The following AFAP1 variants were observed in gnomAD, a reference collection of about 807,000 sequenced individuals.
AFAP1 encodes the protein actin filament associated protein 1.
In AFAP1, 75 loss-of-function variants were observed where a neutral mutation model predicts 93.9. That is an observed-to-expected ratio of 0.80 (90% CI 0.66 to 0.97). The LOEUF (loss-of-function observed/expected upper bound fraction) is 0.97, where lower values mean the gene tolerates loss of function less well. Ranked by LOEUF, AFAP1 falls within the 50% of genes least tolerant of loss-of-function variation. AFAP1 has a pLI of 0.00. For missense variants in AFAP1, 1,201 were observed against 1,050.8 expected, an observed-to-expected ratio of 1.14 and a Z score of -1.98; for synonymous variants, 517 against 430.7, an observed-to-expected ratio of 1.20 and a Z score of -2.48.
chr4:7,895,402 T>TAA (rs35378109), intron 1 of AFAP1, among the ~76,000 whole-genome samples: 1 of 152,070 alleles, frequency 6.6e-6, no homozygotes, highest in Non-Finnish European at 1.5e-5. Context: ...AAGATTTTTT[T>TAA]AAAAAAAGCT....
Position 7,786,255 on chromosome 4 carries a change from C to A in AFAP1, c.1469G>T (p.Gly490Val). 1 of 1,614,130 alleles carries A rather than the reference C, an allele frequency of 6.2e-7. No individual in the cohort carries two copies. Among genetic ancestry groups the A allele is most frequent in the Non-Finnish European group, 8.5e-7 (1 of 1,180,020 alleles). Residue 490 changes from glycine (G) to valine (V), a missense_variant, in exon 12 of 18, where the codon GGC becomes GTC. Coordinates refer to ENST00000420658, the MANE Select transcript of AFAP1 (RefSeq NM_001134647.2). Reference sequence around the variant, plus strand: ...TGCCGTCCCGCTGGGGTGGGCATAGCCGTTGGAGGTGCCCCCTAGATATGG... The same window carrying A: ...TGCCGTCCCGCTGGGGTGGGCATAGACGTTGGAGGTGCCCCCTAGATATGG... ...ANPYLGGTSN[G>V]YAHPSGTALH...
rs1451682666 is a variant in AFAP1, at chr4:7,939,601, G to A, written c.-3+55C>T. 3 of 404,034 alleles carry A rather than the reference G, an allele frequency of 7.4e-6. No individual in the cohort carries two copies. Among genetic ancestry groups the A allele is most frequent in the Non-Finnish European group, 1.5e-5 (3 of 205,532 alleles). 25.0% of individuals were successfully genotyped at this position (404,034 alleles called of 1,614,324 possible). A position where few individuals can be genotyped will look rare whatever the true frequency, so the allele number is the denominator to read the frequency against. The stretch of plus-strand genomic sequence containing the variant: ...AGCCCCGCTCGGAGCTTCCACGCCC[G>A]GGGCAGAGACCCCCGCCGGGTCCGG... On this transcript the variant is annotated intron_variant, in intron 1 of 17. Coordinates refer to ENST00000420658, the MANE Select transcript of AFAP1 (RefSeq NM_001134647.2). The surrounding 1 kb of genome is among the most constrained non-coding windows in gnomAD (Gnocchi z 5.6).
chr4:7,774,490 C>T, intron 15 of AFAP1: 1 of 502,452 alleles, frequency 2.0e-6, no homozygotes, highest in East Asian at 3.7e-5. Context: ...AGCACCTCCC[C>T]TGCCTCGGTG....
In AFAP1 at chr4:7,827,569, C is replaced by CAAAAAAAAAAA. The variant is rs58075483; in HGVS notation, c.727-8409_727-8399dup. On this transcript the variant is annotated intron_variant, in intron 6 of 17. Coordinates refer to ENST00000420658, the MANE Select transcript of AFAP1 (RefSeq NM_001134647.2). ...ATGAACAAGAGTGAAACTCTGTCTC[C>CAAAAAAAAAAA]AAAAAAAAAAAAAAAAAAAAAGGGA... is the stretch of plus-strand genomic sequence containing the variant. Among the ~76,000 whole-genome samples, 262 of 52,222 alleles carry CAAAAAAAAAAA rather than the reference C, an allele frequency of 5.0e-3. 24 individuals are homozygous for CAAAAAAAAAAA. The highest frequency in any genetic ancestry group is 0.012 in the African/African-American group (150 of 12,498). 34.3% of individuals were successfully genotyped at this position (52,222 alleles called of 152,430 possible). A position where few individuals can be genotyped will look rare whatever the true frequency, so the allele number is the denominator to read the frequency against.
chr4:7,781,653 A>G (rs1327906802), intron 12 of AFAP1, 26 bp from the exon 13 acceptor site: 2 of 1,549,720 alleles, frequency 1.3e-6, no homozygotes, highest in East Asian at 2.4e-5. Context: ...CTTTGTGGTT[A>G]GTGACTTGGA....
In AFAP1 at chr4:7,781,504, C is replaced by T. The variant is rs1402228921; in HGVS notation, c.1654G>A (p.Ala552Thr). The change falls in exon 13 of 18, where the codon GCT becomes ACT. Residue 552 changes from alanine (A) to threonine (T), a missense_variant. By Grantham distance (58) the Ala-to-Thr change is moderately conservative (BLOSUM62 0). Coordinates refer to ENST00000420658, the MANE Select transcript of AFAP1 (RefSeq NM_001134647.2). ...GACAGCCTAGAGGCCTTTCTGTCAG[C>T]AGGAGAGTAGCGGGCAAAGATGTGC... Reference protein sequence around the residue: ...PPHIFARYSPADRKASRLSAD... With the variant: ...PPHIFARYSPTDRKASRLSAD... The T allele has an allele frequency of 6.4e-7, 1 of 1,552,114 alleles. No individual in the cohort carries two copies. The highest frequency in any genetic ancestry group is 1.4e-5 in the African/African-American group (1 of 73,030).
At chr4:7,875,636 G>A (rs556462430) in intron 1 of AFAP1, among the ~76,000 whole-genome samples, 2 of 151,252 alleles carry the variant, frequency 1.3e-5, no homozygotes, top group African/African-American at 4.9e-5. Flanking sequence ...AAAAATGGAG[G>A]TGGGGGGCGG....
chr4:7,807,509 T>C (rs776060962), intron 9 of AFAP1, among the ~76,000 whole-genome samples: 7 of 151,960 alleles, frequency 4.6e-5, no homozygotes, highest in Non-Finnish European at 1.0e-4. Context: ...GAAGGGAGGG[T>C]AGTGGAAAAA....
intron 1 of AFAP1, among the ~76,000 whole-genome samples, chr4:7,923,590 T>G (rs974818140): frequency 2.0e-5 from 3 of 152,218 alleles, no homozygotes; most frequent in Non-Finnish European, 4.4e-5. Flanking sequence ...GCAATTCTCC[T>G]GCCTCAGCCT....
intron 1 of AFAP1, among the ~76,000 whole-genome samples, chr4:7,872,965 T>C (rs1447651601): frequency 1.4e-5 from 2 of 145,200 alleles, no homozygotes; most frequent in Non-Finnish European, 1.5e-5. Context: ...AAAAAACTAC[T>C]TGGGCTGGGC....
chr4:7,879,700 T>C (rs1717731362), intron 1 of AFAP1, among the ~76,000 whole-genome samples: 2 of 42,464 alleles, frequency 4.7e-5, no homozygotes, highest in South Asian at 1.2e-3. Context: ...GCTTGCTTGC[T>C]TTTTTTTTTT....
Position 7,763,650 on chromosome 4 carries a change from G to T in AFAP1, c.*115C>A. The T allele has an allele frequency of 7.9e-7, 1 of 1,268,546 alleles. No homozygotes were observed. The highest frequency in any genetic ancestry group is 1.1e-6 in the Non-Finnish European group (1 of 895,686). The allele number at this position is 1,268,546 out of a possible 1,614,324, so 78.6% of individuals were successfully genotyped here. A position where few individuals can be genotyped will look rare whatever the true frequency, so the allele number is the denominator to read the frequency against. ...ACTGGCCTCAGAGCTCAGTCGTGGA[G>T]CCTCTGGAGTCGTGCAGCTGAGGCC... On this transcript the variant is annotated 3_prime_UTR_variant, in exon 18 of 18. Coordinates refer to ENST00000420658, the MANE Select transcript of AFAP1 (RefSeq NM_001134647.2).
At chr4:7,857,764 C>T (rs1237348319) in intron 3 of AFAP1, among the ~76,000 whole-genome samples, 1 of 152,156 alleles carries the variant, frequency 6.6e-6, no homozygotes, top group Non-Finnish European at 1.5e-5. Context: ...CTATTCATGT[C>T]CTGGAAAAGC....
chr4:7,887,640 G>T (rs1479347830), intron 1 of AFAP1, among the ~76,000 whole-genome samples: 1 of 152,108 alleles, frequency 6.6e-6, no homozygotes, highest in African/African-American at 2.4e-5. Context: ...CTATTTTAAG[G>T]ATCAGCACTG....
chr4:7,766,411 G>A (rs1487482948), intron 17 of AFAP1, among the ~76,000 whole-genome samples: 1 of 152,164 alleles, frequency 6.6e-6, no homozygotes, highest in East Asian at 1.9e-4. Flanking sequence ...TCCGCGTGGT[G>A]CCACATATGT....
chr4:7,931,015 A>G (rs1021353305), intron 1 of AFAP1, among the ~76,000 whole-genome samples: 1 of 152,088 alleles, frequency 6.6e-6, no homozygotes, highest in Non-Finnish European at 1.5e-5. Flanking sequence ...GCCTCCCAAA[A>G]ATCTGGGATA....
At position 7,814,503 on chromosome 4, in the gene AFAP1, A is replaced by C. The variant is rs573186562; in HGVS notation, c.904+1515T>G. Among the ~76,000 whole-genome samples the C allele has an allele frequency of 7.7e-4, 118 of 152,358 alleles. 1 individual carries two copies. Among genetic ancestry groups the C allele is most frequent in the Non-Finnish European group, 1.4e-3 (96 of 68,032 alleles). ...GAACAGATTTTTCAACCGTCGCTCC[A>C]AAGTGGAAACAGCTCAAATGTTCTT... On this transcript the variant is annotated intron_variant, in intron 8 of 17. Coordinates refer to ENST00000420658, the MANE Select transcript of AFAP1 (RefSeq NM_001134647.2).
intron 8 of AFAP1, among the ~76,000 whole-genome samples, chr4:7,813,762 C>A (rs1023167391): frequency 5.9e-5 from 9 of 152,166 alleles, no homozygotes; most frequent in African/African-American, 2.2e-4. Context: ...ACTTAGAAAA[C>A]CACATATGAA....
At chr4:7,916,246 C>T (rs904295804) in intron 1 of AFAP1, among the ~76,000 whole-genome samples, 2 of 152,168 alleles carry the variant, frequency 1.3e-5, no homozygotes, top group Admixed American at 1.3e-4. Flanking sequence ...CGATGTCGTG[C>T]CTTCTGTACA....
Sources: allele counts gnomAD v4.1 joint callset (sites outside exome capture counted in the v4.1 genomes callset), GRCh38; gene constraint gnomAD v4.1.1; non-coding constraint Gnocchi (gnomAD v3.1); transcripts MANE v1.5; gene names NCBI Gene and HGNC (gene_info 2026-07-23, HGNC 2026-07-21).